Variants in STAG1 observed in about 807,000 individuals in gnomAD.
STAG1 encodes STAG1 cohesin complex component, also known as cohesin subunit SA-1.
In STAG1, 26 loss-of-function variants were observed where a neutral mutation model predicts 170.9. The observed-to-expected ratio is 0.15, with a 90% CI of 0.11 to 0.21. The LOEUF is 0.21. STAG1 is among the 10% of genes least tolerant of loss of function. STAG1 has a pLI of 1.00. For synonymous variants in STAG1, 514 were observed against 497.7 expected (o/e 1.03, Z -0.44); for missense variants, 964 against 1,509.5 (o/e 0.64, Z 5.99).
intron 22 of STAG1, among the ~76,000 whole-genome samples, chr3:136,381,037 G>GAAAAAAAAAAAAAAA (rs58810961): frequency 9.5e-6 from 1 of 105,042 alleles, no homozygotes; most frequent in African/African-American, 3.6e-5. Context: ...AAAAAAAAAA[G>GAAAAAAAAAAAAAAA]AAAAAAAAAA....
In STAG1 at chr3:136,683,670, G is replaced by A. The variant is rs142663657; in HGVS notation, c.-83-52689C>T. 1.1e-4 allele frequency among the ~76,000 whole-genome samples: 17 copies of A among 152,042 alleles called. No individual in the cohort carries two copies. The East Asian group carries it at 2.9e-3, about 26-fold the overall frequency. On this transcript the variant is annotated intron_variant, in intron 1 of 33. Transcript: ENST00000383202. ...AAGGCAAGGATGCCCTCACCTTTTC[G>A]ACAATGTAATGGAAGTCTTAGCTAA... is the stretch of plus-strand genomic sequence containing the variant.
chr3:136,344,462 G>A (rs1292187522), intron 29 of STAG1, among the ~76,000 whole-genome samples: 1 of 152,056 alleles, frequency 6.6e-6, no homozygotes, highest in East Asian at 1.9e-4. Context: ...GGAGAAATAA[G>A]CAAATCCCCT....
intron 6 of STAG1, among the ~76,000 whole-genome samples, chr3:136,532,400 T>C (rs919298546): frequency 1.3e-5 from 2 of 152,178 alleles, no homozygotes; most frequent in African/African-American, 4.8e-5. Flanking sequence ...TAGAATGAGT[T>C]ACTGAGAATT....
At chr3:136,437,964 T>C (rs1202981912) in intron 15 of STAG1, among the ~76,000 whole-genome samples, 1 of 152,212 alleles carries the variant, frequency 6.6e-6, no homozygotes, top group Non-Finnish European at 1.5e-5. Flanking sequence ...TCTTAAAATA[T>C]GCATTGGATC....
At chr3:136,640,368 CTTTTTTTT>C (rs1046414006) in intron 1 of STAG1, among the ~76,000 whole-genome samples, 1 of 140,426 alleles carries the variant, frequency 7.1e-6, no homozygotes, top group African/African-American at 2.6e-5. Context: ...CATTAGATAA[CTTTTTTTT>C]TTTTTTTTTT....
intron 1 of STAG1, among the ~76,000 whole-genome samples, chr3:136,751,164 CA>C (rs1374761836): frequency 6.8e-6 from 1 of 147,702 alleles, no homozygotes; most frequent in Non-Finnish European, 1.5e-5. Context: ...TTTTTTATGA[CA>C]AATTGCGTTT....
At chr3:136,416,145 C>T (rs1483161174) in intron 21 of STAG1, among the ~76,000 whole-genome samples, 1 of 151,928 alleles carries the variant, frequency 6.6e-6, no homozygotes, top group East Asian at 1.9e-4. Context: ...GTAGCTGGGA[C>T]TACAGGTGCC....
At chr3:136,501,226 G>C (rs1410342438) in intron 8 of STAG1, among the ~76,000 whole-genome samples, 1 of 152,168 alleles carries the variant, frequency 6.6e-6, no homozygotes, top group African/African-American at 2.4e-5. Flanking sequence ...TTCTGAGTCA[G>C]CAGTACTTAC....
At chr3:136,736,876 G>T (rs1934372817) in intron 1 of STAG1, 13 of 1,582,682 alleles carry the variant, frequency 8.2e-6, no homozygotes, top group Non-Finnish European at 1.1e-5. Context: ...TTCTTTTCCT[G>T]CCTGAATTAC....
intron 5 of STAG1, among the ~76,000 whole-genome samples, chr3:136,547,004 T>C (rs779337724): frequency 3.5e-4 from 53 of 152,204 alleles, no homozygotes; most frequent in Non-Finnish European, 7.1e-4. Context: ...TCTCAACTCA[T>C]CTTTTGCCTA....
intron 1 of STAG1, among the ~76,000 whole-genome samples, chr3:136,713,959 G>A (rs890151439): frequency 6.6e-6 from 1 of 152,060 alleles, no homozygotes; most frequent in African/African-American, 2.4e-5. Context: ...AGGAGGCAGA[G>A]GTTGCAGTGA....
intron 13 of STAG1, among the ~76,000 whole-genome samples, chr3:136,452,830 C>A (rs1478049033): frequency 1.3e-5 from 2 of 152,110 alleles, no homozygotes; most frequent in Non-Finnish European, 2.9e-5. Flanking sequence ...CGCTCTGTCA[C>A]CCAGGCTGGA....
At chr3:136,539,600 CA>C (rs1227340610) in intron 6 of STAG1, among the ~76,000 whole-genome samples, 5 of 152,118 alleles carry the variant, frequency 3.3e-5, no homozygotes, top group African/African-American at 9.7e-5. Context: ...GGTGCAATTC[CA>C]AAAATGTGGG....
At chr3:136,356,997 G>A (rs1372925686) in intron 28 of STAG1, among the ~76,000 whole-genome samples, 1 of 151,522 alleles carries the variant, frequency 6.6e-6, no homozygotes, top group African/African-American at 2.4e-5. Flanking sequence ...ACCCAGGCTG[G>A]AGTGCAGTGG....
At chr3:136,649,197 A>C (rs915779194) in intron 1 of STAG1, among the ~76,000 whole-genome samples, 2 of 152,124 alleles carry the variant, frequency 1.3e-5, no homozygotes, top group African/African-American at 4.8e-5. Context: ...TTGTTAATTG[A>C]AAGGCCAGGG....
At chr3:136,394,511 C>A (rs1378408763) in intron 22 of STAG1, among the ~76,000 whole-genome samples, 1 of 152,164 alleles carries the variant, frequency 6.6e-6, no homozygotes, top group East Asian at 1.9e-4. Flanking sequence ...ATCAGTGGGT[C>A]ACACCTGTAA....
At chr3:136,508,412 G>A (rs977801562) in intron 7 of STAG1, among the ~76,000 whole-genome samples, 2 of 152,178 alleles carry the variant, frequency 1.3e-5, no homozygotes, top group African/African-American at 4.8e-5. Context: ...CCTAGGCTGA[G>A]CATGATGGCT....
intron 29 of STAG1, 82 bp downstream of exon 29, chr3:136,349,076 T>A: frequency 1.8e-6 from 2 of 1,081,898 alleles, no homozygotes; most frequent in South Asian, 1.3e-5. Flanking sequence ...CTGATACTAT[T>A]ATCTTGCTTC....
At position 136,671,481 on chromosome 3, in the gene STAG1, G is replaced by A. The variant is rs77176952; in HGVS notation, c.-83-40500C>T. Among the ~76,000 whole-genome samples the A allele has an allele frequency of 4.9e-3, 745 of 152,284 alleles. 8 individuals are homozygous for A. The highest frequency in any genetic ancestry group is 0.017 in the African/African-American group (724 of 41,556). Reference sequence around the variant, plus strand: ...CTAAAAGTTACTAGTGTAGGAATGCGAGATTATCTCTAGATAATGCCTTTG... The same window carrying A: ...CTAAAAGTTACTAGTGTAGGAATGCAAGATTATCTCTAGATAATGCCTTTG... On this transcript the variant is annotated intron_variant, in intron 1 of 33. Coordinates refer to ENST00000383202, the MANE Select transcript of STAG1 (RefSeq NM_005862.3).
Sources: allele counts gnomAD v4.1 joint callset (sites outside exome capture counted in the v4.1 genomes callset), GRCh38; gene constraint gnomAD v4.1.1; transcripts MANE v1.5; gene names NCBI Gene and HGNC (gene_info 2026-07-23, HGNC 2026-07-21).